The following ANK3 variants were observed in gnomAD, a reference collection of about 807,000 sequenced individuals.
The protein encoded by ANK3 is ankyrin-3.
A neutral mutation model predicts 370.9 loss-of-function variants in ANK3; 57 were observed. The ratio of observed to expected loss-of-function variants is 0.15; its 90% CI spans 0.12 to 0.19. ANK3 has a LOEUF of 0.19. ANK3 is among the 10% of genes least tolerant of loss of function. ANK3 has a pLI of 1.00. For synonymous variants in ANK3, 1,929 were observed against 1,946.3 expected, an observed-to-expected ratio of 0.99 and a Z score of 0.23; for missense variants, 4,439 against 5,302.1, an observed-to-expected ratio of 0.84 and a Z score of 5.06.
chr10:60,547,446 G>T (rs2076991364), intron 2 of ANK3, among the ~76,000 whole-genome samples: 1 of 149,652 alleles, frequency 6.7e-6, no homozygotes, highest in Admixed American at 6.7e-5. Flanking sequence ...CTGTTGCCCG[G>T]CTGGAGTGGC....
intron 2 of ANK3, among the ~76,000 whole-genome samples, chr10:60,541,569 C>T (rs1033342594): frequency 6.6e-6 from 1 of 151,762 alleles, no homozygotes; most frequent in Non-Finnish European, 1.5e-5. Context: ...CACAAAGTGC[C>T]GAAAGTACTA....
At chr10:60,127,029 T>C (rs2093797838) in intron 25 of ANK3, among the ~76,000 whole-genome samples, 1 of 152,236 alleles carries the variant, frequency 6.6e-6, no homozygotes, top group Admixed American at 6.5e-5. Context: ...TGTATGGTGC[T>C]AACTTCAAGG....
intron 9 of ANK3, among the ~76,000 whole-genome samples, chr10:60,211,450 G>T (rs921726658): frequency 6.6e-6 from 1 of 152,102 alleles, no homozygotes. Context: ...GGGATATTTT[G>T]AGAAAGCTAC....
intron 2 of ANK3, among the ~76,000 whole-genome samples, chr10:60,610,648 T>C (rs1035315614): frequency 7.0e-5 from 7 of 100,118 alleles, no homozygotes; most frequent in African/African-American, 2.3e-4. Flanking sequence ...TATTTTTAAG[T>C]CATTTTCCAG....
chr10:60,212,913 A>G (rs1053167951), intron 9 of ANK3, among the ~76,000 whole-genome samples: 9 of 152,144 alleles, frequency 5.9e-5, no homozygotes, highest in African/African-American at 2.2e-4. Flanking sequence ...AATTTTTTTC[A>G]GGCAATCATC....
chr10:60,266,413 A>T (rs1203526693), intron 5 of ANK3, among the ~76,000 whole-genome samples: 1 of 152,224 alleles, frequency 6.6e-6, no homozygotes, highest in Non-Finnish European at 1.5e-5. Context: ...AAAAGAAAAT[A>T]TGCATTGTTT....
chr10:60,498,009 C>T (rs570476603), intron 2 of ANK3, among the ~76,000 whole-genome samples: 16 of 152,248 alleles, frequency 1.1e-4, no homozygotes, highest in African/African-American at 3.1e-4. Flanking sequence ...CCATTATCAC[C>T]GTCGGACTCC....
intron 2 of ANK3, among the ~76,000 whole-genome samples, chr10:60,412,579 T>C (rs1335519445): frequency 1.3e-5 from 2 of 152,202 alleles, no homozygotes; most frequent in African/African-American, 2.4e-5. Flanking sequence ...GTATATTTTC[T>C]ATTGGTTCTG....
chr10:60,432,695 A>G (rs2064056242), intron 2 of ANK3, among the ~76,000 whole-genome samples: 1 of 152,204 alleles, frequency 6.6e-6, no homozygotes, highest in African/African-American at 2.4e-5. Flanking sequence ...CAAATATTAC[A>G]GCTCTTGTAC....
intron 8 of ANK3, among the ~76,000 whole-genome samples, chr10:60,231,478 C>G (rs2097244612): frequency 6.6e-6 from 1 of 152,144 alleles, no homozygotes; most frequent in Non-Finnish European, 1.5e-5. Context: ...ATAGTAAGTA[C>G]TTGGTGGGAG....
chr10:60,433,067 T>C (rs2132982652), intron 2 of ANK3, among the ~76,000 whole-genome samples: 1 of 152,276 alleles, frequency 6.6e-6, no homozygotes, highest in East Asian at 1.9e-4. Flanking sequence ...ACTGTTCCAC[T>C]TCAGGTGCTA....
At chr10:60,044,173 T>C in intron 42 of ANK3, 1 of 985,538 alleles carries the variant, frequency 1.0e-6, no homozygotes, top group Non-Finnish European at 1.2e-6. Flanking sequence ...TTTTTCTGTT[T>C]TAGGAGATGA....
intron 2 of ANK3, among the ~76,000 whole-genome samples, chr10:60,597,611 A>C (rs1451913428): frequency 1.3e-5 from 2 of 152,114 alleles, no homozygotes; most frequent in African/African-American, 2.4e-5. Flanking sequence ...CCTTTGCTTA[A>C]ATTAAATTCT....
intron 1 of ANK3, among the ~76,000 whole-genome samples, chr10:60,347,742 A>T (rs1303100499): frequency 6.6e-6 from 1 of 152,108 alleles, no homozygotes; most frequent in Non-Finnish European, 1.5e-5. Flanking sequence ...CCTTAAATCA[A>T]TGGTTGCAAC....
chr10:60,554,114 G>A (rs1407877367), intron 2 of ANK3, among the ~76,000 whole-genome samples: 1 of 152,094 alleles, frequency 6.6e-6, no homozygotes, highest in African/African-American at 2.4e-5. Context: ...TGCCACCAGG[G>A]TTCAAAATAA....
chr10:60,367,601 G>GCAACAC (rs2059560517), intron 1 of ANK3, among the ~76,000 whole-genome samples: 1 of 152,152 alleles, frequency 6.6e-6, no homozygotes, highest in Admixed American at 6.5e-5. Context: ...TGCCTCTGGG[G>GCAACAC]TGATCATCAG....
At chr10:60,542,842 C>T (rs550661434) in intron 2 of ANK3, among the ~76,000 whole-genome samples, 4 of 151,960 alleles carry the variant, frequency 2.6e-5, no homozygotes, top group South Asian at 4.2e-4. Context: ...TGAACCATTA[C>T]GTTTTCTTTT....
intron 2 of ANK3, among the ~76,000 whole-genome samples, chr10:60,542,111 C>A (rs549204633): frequency 6.3e-4 from 95 of 151,976 alleles, no homozygotes; most frequent in African/African-American, 2.2e-3. Context: ...CAATTACCAA[C>A]CCTTTGGCTG....
chr10:60,263,611 G>A (rs1407732422), intron 6 of ANK3, among the ~76,000 whole-genome samples: 1 of 152,132 alleles, frequency 6.6e-6, no homozygotes, highest in Non-Finnish European at 1.5e-5. Context: ...CTTCTGAGGT[G>A]GCCTCCCTTT....
Sources: allele counts gnomAD v4.1 joint callset (sites outside exome capture counted in the v4.1 genomes callset), GRCh38; gene constraint gnomAD v4.1.1; transcripts MANE v1.5; gene names NCBI Gene and HGNC (gene_info 2026-07-23, HGNC 2026-07-21).